The following ADCY2 variants were observed in gnomAD, a reference collection of about 807,000 sequenced individuals.
The protein encoded by ADCY2 is adenylate cyclase 2.
A neutral mutation model predicts 125.2 loss-of-function variants in ADCY2; 31 were observed. That is an observed-to-expected ratio of 0.25 (90% CI 0.19 to 0.33). The LOEUF is 0.33. ADCY2 is among the 10% of genes least tolerant of loss of function. The probability of loss-of-function intolerance (pLI) is 1.00; values close to 1 mark genes in which losing one functional copy is unlikely to be tolerated. For missense variants in ADCY2, 904 were observed against 1,418.2 expected (o/e 0.64, Z 5.82); for synonymous variants, 512 against 548.4 (o/e 0.93, Z 0.93).
intron 2 of ADCY2, among the ~76,000 whole-genome samples, chr5:7,420,937 G>C (rs997856930): frequency 6.6e-6 from 1 of 152,128 alleles, no homozygotes; most frequent in Non-Finnish European, 1.5e-5. Context: ...ATTAGCAGAG[G>C]AGTATGTTTT....
chr5:7,679,275 G>A (rs539720979), intron 4 of ADCY2, among the ~76,000 whole-genome samples: 1 of 152,220 alleles, frequency 6.6e-6, no homozygotes, highest in Non-Finnish European at 1.5e-5. Flanking sequence ...GGTCCCGGGG[G>A]AGCGTGCTCC....
chr5:7,603,780 C>CTTTTTTTTTTTTTTTTTTTT (rs1737299294), intron 3 of ADCY2, among the ~76,000 whole-genome samples: 1 of 29,924 alleles, frequency 3.3e-5, no homozygotes, highest in Non-Finnish European at 6.6e-5. Flanking sequence ...GTAATGCTCT[C>CTTTTTTTTTTTTTTTTTTTT]TTTCTTTTTT....
At chr5:7,424,611 G>C (rs373456161) in intron 2 of ADCY2, among the ~76,000 whole-genome samples, 1 of 152,220 alleles carries the variant, frequency 6.6e-6, no homozygotes, top group South Asian at 2.1e-4. Flanking sequence ...GAAAAACTTC[G>C]TGGGGAGGGA....
At chr5:7,422,501 G>A (rs1454656586) in intron 2 of ADCY2, among the ~76,000 whole-genome samples, 1 of 152,088 alleles carries the variant, frequency 6.6e-6, no homozygotes, top group Non-Finnish European at 1.5e-5. Flanking sequence ...TGGTCAGGAA[G>A]GATAGGAAAG....
intron 2 of ADCY2, among the ~76,000 whole-genome samples, chr5:7,510,111 C>G (rs918403504): frequency 1.3e-5 from 2 of 152,052 alleles, no homozygotes; most frequent in African/African-American, 4.8e-5. Flanking sequence ...TGATGTGGTC[C>G]TTTTTCTTAT....
intron 15 of ADCY2, among the ~76,000 whole-genome samples, chr5:7,754,694 G>A (rs571931644): frequency 1.4e-5 from 2 of 141,516 alleles, no homozygotes; most frequent in African/African-American, 2.7e-5. Flanking sequence ...AAGTAGTTGC[G>A]GTTTAAAGGT....
rs778177947 is a variant in ADCY2 at position 7,826,631 on chromosome 5, T to C, written c.3124-88T>C. On this transcript the variant is annotated intron_variant, in intron 24 of 24. Coordinates refer to ENST00000338316, the MANE Select transcript of ADCY2 (RefSeq NM_020546.3). The stretch of plus-strand genomic sequence containing the variant: ...GGAATTCCTGGGTCAAAGAGCATGG[T>C]GCTTTTTTTAGCTCTGCATCCTTGA... 1.7e-5 allele frequency: 27 copies of C among 1,560,422 alleles called. No individual in the cohort carries two copies. The African/African-American group carries it at 3.4e-4, about 20-fold the overall frequency.
chr5:7,673,555 C>A (rs1290730708), intron 4 of ADCY2, among the ~76,000 whole-genome samples: 1 of 152,066 alleles, frequency 6.6e-6, no homozygotes, highest in African/African-American at 2.4e-5. Context: ...GGTACTTCAT[C>A]GAGGTAGGGT....
intron 24 of ADCY2, among the ~76,000 whole-genome samples, chr5:7,822,195 CATGTTCACA>C (rs1303281868): frequency 6.6e-6 from 1 of 152,164 alleles, no homozygotes; most frequent in African/African-American, 2.4e-5. Flanking sequence ...GAATGGTAAA[CATGTTCACA>C]AGGTTTAGAT....
At chr5:7,475,625 AC>A (rs1403682922) in intron 2 of ADCY2, among the ~76,000 whole-genome samples, 1 of 151,888 alleles carries the variant, frequency 6.6e-6, no homozygotes, top group Non-Finnish European at 1.5e-5. Context: ...CTGGCGATCC[AC>A]CCGCCTCGGC....
intron 2 of ADCY2, among the ~76,000 whole-genome samples, chr5:7,503,579 G>A (rs760395998): frequency 3.9e-5 from 6 of 152,174 alleles, no homozygotes; most frequent in African/African-American, 7.2e-5. Context: ...GCCGCCTGCC[G>A]TTGGGGGGAT....
intron 3 of ADCY2, among the ~76,000 whole-genome samples, chr5:7,560,857 T>G (rs983244354): frequency 3.9e-5 from 6 of 152,076 alleles, no homozygotes. Flanking sequence ...CCTGGCTAAA[T>G]TCTGTATTTT....
At chr5:7,486,188 T>C (rs1742919135) in intron 2 of ADCY2, among the ~76,000 whole-genome samples, 1 of 152,210 alleles carries the variant, frequency 6.6e-6, no homozygotes, top group Non-Finnish European at 1.5e-5. Context: ...CTCTTCATTA[T>C]AGTGCTGTTG....
chr5:7,518,423 A>G (rs1035766218), intron 2 of ADCY2, among the ~76,000 whole-genome samples: 13 of 152,194 alleles, frequency 8.5e-5, no homozygotes, highest in African/African-American at 3.1e-4. Context: ...CTAAGACAAT[A>G]CTTTTTGCCT....
At chr5:7,630,788 CTT>C (rs149391909) in intron 4 of ADCY2, among the ~76,000 whole-genome samples, 32 of 132,142 alleles carry the variant, frequency 2.4e-4, no homozygotes, top group Admixed American at 2.3e-4. Flanking sequence ...CTCTCCTTGT[CTT>C]TTTTTTTTTT....
intron 2 of ADCY2, among the ~76,000 whole-genome samples, chr5:7,486,893 T>C (rs1742953878): frequency 6.6e-6 from 1 of 152,118 alleles, no homozygotes; most frequent in Admixed American, 6.6e-5. Context: ...GGCATGTGCG[T>C]TGGAGGTCAG....
intron 5 of ADCY2, among the ~76,000 whole-genome samples, chr5:7,693,404 C>CTTTTTTTTTTTTTTTTTTTT (rs1561170612): frequency 2.6e-5 from 2 of 75,744 alleles, no homozygotes; most frequent in Non-Finnish European, 5.2e-5. Flanking sequence ...CAATTGCCTG[C>CTTTTTTTTTTTTTTTTTTTT]TGTTTTTTGT....
intron 4 of ADCY2, among the ~76,000 whole-genome samples, chr5:7,656,987 A>G (rs1301453521): frequency 6.6e-6 from 1 of 152,250 alleles, no homozygotes; most frequent in Non-Finnish European, 1.5e-5. Context: ...GCTTAACACA[A>G]ATTTCATCAC....
rs57381383 is a variant in ADCY2 at position 7,512,218 on chromosome 5, CAAAAAA to C, written c.409-8503_409-8498del. Reference sequence around the variant, plus strand: ...CCTGGGCAGTAGAGCATGACTCCATCAAAAAAAAAAAAAAAAAAAAAAGAAAACCAT... The same window carrying C: ...CCTGGGCAGTAGAGCATGACTCCATCAAAAAAAAAAAAAAAAGAAAACCAT... On this transcript the variant is annotated intron_variant, in intron 2 of 24. Transcript: ENST00000338316. Among the ~76,000 whole-genome samples, 176 of 57,908 alleles carry C rather than the reference CAAAAAA, an allele frequency of 3.0e-3. 3 individuals carry two copies. Among genetic ancestry groups the C allele is most frequent in the Non-Finnish European group, 3.8e-3 (136 of 35,440 alleles). The allele number at this position is 57,908 out of a possible 152,430, so 38.0% of individuals were successfully genotyped here. A position where few individuals can be genotyped will look rare whatever the true frequency, so the allele number is the denominator to read the frequency against.
Sources: gnomAD v4.1 joint callset for allele counts (sites outside exome capture counted in the v4.1 genomes callset) on GRCh38, gnomAD v4.1.1 for gene constraint, MANE v1.5 for transcripts, NCBI Gene and HGNC (gene_info 2026-07-23, HGNC 2026-07-21) for gene names.